CADM2: variants seen among roughly 807,000 people sequenced by gnomAD.
CADM2 encodes the protein cell adhesion molecule 2.
CADM2 carries 12 observed loss-of-function variants against 49.8 expected under a neutral mutation model. That is an observed-to-expected ratio of 0.24 (90% CI 0.15 to 0.39). The LOEUF (loss-of-function observed/expected upper bound fraction) is 0.39, where lower values mean the gene tolerates loss of function less well. Among genes scored for constraint, CADM2 ranks in the 10% least tolerant of loss-of-function variants. The pLI is 1.00. For missense variants in CADM2, 378 were observed against 492.3 expected (o/e 0.77, Z 2.20); for synonymous variants, 214 against 175.4 (o/e 1.22, Z -1.74).
At chr3:85,456,071 G>A (rs957206026) in intron 1 of CADM2, among the ~76,000 whole-genome samples, 2 of 152,256 alleles carry the variant, frequency 1.3e-5, no homozygotes, top group African/African-American at 4.8e-5. Flanking sequence ...AGAGGTCAGA[G>A]GTTACCTTTA....
At chr3:85,315,159 G>A (rs2107071313) in intron 1 of CADM2, among the ~76,000 whole-genome samples, 1 of 152,154 alleles carries the variant, frequency 6.6e-6, no homozygotes, top group African/African-American at 2.4e-5. Context: ...GTTCTTCCAG[G>A]CCGAGTGAAG....
intron 1 of CADM2, among the ~76,000 whole-genome samples, chr3:85,679,383 A>T (rs1306638416): frequency 1.3e-5 from 2 of 152,138 alleles, no homozygotes; most frequent in African/African-American, 4.8e-5. Flanking sequence ...GGGTGTGTGG[A>T]TGAGAGATTA....
intron 3 of CADM2, among the ~76,000 whole-genome samples, chr3:85,819,713 T>C (rs2073434381): frequency 6.6e-6 from 1 of 152,162 alleles, no homozygotes; most frequent in Non-Finnish European, 1.5e-5. Context: ...AGTTTGATGT[T>C]ATATGCATGA....
At position 86,069,373 on chromosome 3, in the gene CADM2, A is replaced by G. The variant is rs994944922; in HGVS notation, c.*2590A>G. The stretch of plus-strand genomic sequence containing the variant: ...CTAGTTATAAATGCTGGTATATTAT[A>G]ATTTGTGGGATCTAATTAAATGTTT... On this transcript the variant is annotated 3_prime_UTR_variant, in exon 10 of 10. Transcript: ENST00000383699. The G allele has an allele frequency of 3.3e-5, 5 of 151,990 alleles. No homozygotes were observed. Among genetic ancestry groups the G allele is most frequent in the African/African-American group, 9.7e-5 (4 of 41,428 alleles). 9.4% of individuals were successfully genotyped at this position (151,990 alleles called of 1,614,324 possible). A position where few individuals can be genotyped will look rare whatever the true frequency, so the allele number is the denominator to read the frequency against.
rs114562904 is a variant in CADM2 at position 85,821,035 on chromosome 3, G to A, written c.238+18839G>A. On this transcript the variant is annotated intron_variant, in intron 3 of 9. Coordinates refer to ENST00000383699, the MANE Select transcript of CADM2 (RefSeq NM_001167675.2). ...TTTGTCCTGCAGTTACAAGTTGCAA[G>A]AGTTTTGACTTTCATTATCATCCTT... Among the ~76,000 whole-genome samples, 297 of 152,282 alleles carry A rather than the reference G, an allele frequency of 2.0e-3. 1 individual carries two copies. Among genetic ancestry groups the A allele is most frequent in the African/African-American group, 6.8e-3 (284 of 41,572 alleles).
At chr3:85,716,534 T>G (rs1167527819) in intron 1 of CADM2, among the ~76,000 whole-genome samples, 7 of 152,230 alleles carry the variant, frequency 4.6e-5, no homozygotes, top group Non-Finnish European at 1.0e-4. Context: ...CAATGTTGTC[T>G]TTTGTGGCAA....
intron 3 of CADM2, among the ~76,000 whole-genome samples, chr3:85,803,476 AACAG>A (rs544453261): frequency 2.2e-5 from 3 of 138,814 alleles, no homozygotes; most frequent in Admixed American, 7.3e-5. Context: ...AAAATGAAGA[AACAG>A]ACAGATAGAT....
intron 1 of CADM2, among the ~76,000 whole-genome samples, chr3:85,300,373 T>C (rs1306895860): frequency 6.6e-6 from 1 of 152,176 alleles, no homozygotes; most frequent in African/African-American, 2.4e-5. Context: ...TGTGTTACAA[T>C]ATCCTTTTTT....
At chr3:85,813,268 T>C (rs1198209908) in intron 3 of CADM2, among the ~76,000 whole-genome samples, 1 of 152,226 alleles carries the variant, frequency 6.6e-6, no homozygotes, top group Non-Finnish European at 1.5e-5. Flanking sequence ...GGTATCTCAC[T>C]GTGGTTTTGA....
At chr3:86,064,068 T>A (rs901891956) in intron 8 of CADM2, among the ~76,000 whole-genome samples, 4 of 151,932 alleles carry the variant, frequency 2.6e-5, no homozygotes, top group African/African-American at 9.7e-5. Context: ...TACATTTTTT[T>A]ATTATACTTT....
chr3:85,288,795 C>CCCT (rs35243274), intron 1 of CADM2, among the ~76,000 whole-genome samples: 1 of 131,354 alleles, frequency 7.6e-6, no homozygotes, highest in Non-Finnish European at 1.6e-5. Context: ...CCCCCCCCCC[C>CCCT]TCTTTTTTTC....
At chr3:85,922,996 T>G (rs1045163599) in intron 6 of CADM2, among the ~76,000 whole-genome samples, 5 of 151,954 alleles carry the variant, frequency 3.3e-5, no homozygotes, top group African/African-American at 7.3e-5. Flanking sequence ...TAATTTTTTG[T>G]ATTTTTTTAG....
At chr3:85,070,575 C>G (rs982010772) in intron 1 of CADM2, among the ~76,000 whole-genome samples, 2 of 97,266 alleles carry the variant, frequency 2.1e-5, no homozygotes, top group Admixed American at 1.8e-4. Context: ...TCTTTTGTCA[C>G]TATATCCTAA....
At chr3:85,261,409 C>T (rs2043011780) in intron 1 of CADM2, among the ~76,000 whole-genome samples, 1 of 152,180 alleles carries the variant, frequency 6.6e-6, no homozygotes, top group African/African-American at 2.4e-5. Context: ...GCTAGGATTA[C>T]AGGTGTGAGC....
intron 1 of CADM2, among the ~76,000 whole-genome samples, chr3:85,237,057 C>T (rs573570513): frequency 6.6e-6 from 1 of 152,168 alleles, no homozygotes; most frequent in South Asian, 2.1e-4. Flanking sequence ...TTTATGACCA[C>T]ATTGAATATA....
chr3:85,523,123 G>A (rs1458473667), intron 1 of CADM2, among the ~76,000 whole-genome samples: 3 of 152,064 alleles, frequency 2.0e-5, no homozygotes, highest in Non-Finnish European at 4.4e-5. Flanking sequence ...GCTACTTGAA[G>A]GTAACACAAG....
chr3:85,330,485 A>C (rs1381570526), intron 1 of CADM2, among the ~76,000 whole-genome samples: 2 of 152,214 alleles, frequency 1.3e-5, no homozygotes, highest in Non-Finnish European at 1.5e-5. Context: ...AACAACACTG[A>C]CACCACTGCT....
intron 8 of CADM2, among the ~76,000 whole-genome samples, chr3:86,015,611 G>C (rs773518290): frequency 6.6e-6 from 1 of 152,136 alleles, no homozygotes; most frequent in African/African-American, 2.4e-5. Flanking sequence ...TTGTGAGCTC[G>C]CCAAACAAGG....
At chr3:85,647,681 C>A (rs1420514537) in intron 1 of CADM2, among the ~76,000 whole-genome samples, 1 of 151,608 alleles carries the variant, frequency 6.6e-6, no homozygotes, top group East Asian at 1.9e-4. Context: ...GAACAAAAGA[C>A]AAAAAATATT....
Sources: allele counts gnomAD v4.1 joint callset (sites outside exome capture counted in the v4.1 genomes callset), GRCh38; gene constraint gnomAD v4.1.1; transcripts MANE v1.5; gene names NCBI Gene and HGNC (gene_info 2026-07-23, HGNC 2026-07-21).